The following UGGT2 variants were observed in gnomAD, a reference collection of about 807,000 sequenced individuals.
UGGT2 encodes the protein UDP-glucose glycoprotein glucosyltransferase 2.
Under a neutral mutation model 192.1 loss-of-function variants are expected in UGGT2, and 180 were observed. That is an observed-to-expected ratio of 0.94 (90% CI 0.83 to 1.06). The LOEUF is 1.06. Ranked by LOEUF, UGGT2 falls within the 50% of genes least tolerant of loss-of-function variation. UGGT2 has a pLI of 0.00. For missense variants in UGGT2, 1,849 were observed against 1,795.7 expected (o/e 1.03, Z -0.54); for synonymous variants, 580 against 591.0 (o/e 0.98, Z 0.27).
chr13:95,966,839 G>C (rs750068050), intron 12 of UGGT2, among the ~76,000 whole-genome samples: 15 of 152,098 alleles, frequency 9.9e-5, no homozygotes, highest in South Asian at 2.1e-4. Context: ...CTTAAATTTT[G>C]ATATATTTCC....
chr13:95,854,597 T>C, intron 34 of UGGT2, 122 bp from the exon 35 acceptor site: 1 of 773,290 alleles, frequency 1.3e-6, no homozygotes, highest in Non-Finnish European at 1.9e-6. Flanking sequence ...GTCCTCACAG[T>C]GCTTTCATGT....
intron 29 of UGGT2, among the ~76,000 whole-genome samples, chr13:95,873,442 C>A (rs1891395533): frequency 1.3e-5 from 2 of 152,158 alleles, no homozygotes; most frequent in Non-Finnish European, 2.9e-5. Flanking sequence ...TAGAACATAC[C>A]CAAATGGGTC....
chr13:95,967,714 C>G (rs191546919), intron 12 of UGGT2, among the ~76,000 whole-genome samples: 2 of 151,860 alleles, frequency 1.3e-5, no homozygotes, highest in African/African-American at 2.4e-5. Flanking sequence ...CCTCATGATC[C>G]GCCCACCTTG....
intron 5 of UGGT2, among the ~76,000 whole-genome samples, chr13:96,001,501 T>C (rs1406670396): frequency 2.6e-5 from 4 of 152,310 alleles, no homozygotes; most frequent in East Asian, 3.9e-4. Context: ...AACAGCCTTG[T>C]TGCTCACACA....
At chr13:95,917,812 T>C (rs544469328) in intron 20 of UGGT2, among the ~76,000 whole-genome samples, 1 of 152,138 alleles carries the variant, frequency 6.6e-6, no homozygotes, top group African/African-American at 2.4e-5. Flanking sequence ...TGTTACATAA[T>C]TGTAAAGGGT....
At chr13:95,992,258 A>G (rs2051481557) in intron 7 of UGGT2, among the ~76,000 whole-genome samples, 1 of 152,244 alleles carries the variant, frequency 6.6e-6, no homozygotes, top group Admixed American at 6.5e-5. Context: ...TTTGACAGGA[A>G]TAGCACTGAA....
Position 95,970,224 on chromosome 13 carries a change from TTCA to T in UGGT2, c.1220_1222del (p.Met407del). 6.2e-7 allele frequency: 1 copy of T among 1,613,032 alleles called. No homozygotes were observed. Among genetic ancestry groups the T allele is most frequent in the South Asian group, 1.1e-5 (1 of 90,954 alleles). ...ATTGATCCCAAGATTGCGAAGGCCA[TTCA>T]TCATTTTTCCTTCTAATTTCAGCAT... is the stretch of plus-strand genomic sequence containing the variant. On this transcript the variant is annotated inframe_deletion, in exon 12 of 39. Transcript: ENST00000376747.
At chr13:95,904,753 CAT>C (rs1338918530) in intron 20 of UGGT2, among the ~76,000 whole-genome samples, 1 of 152,126 alleles carries the variant, frequency 6.6e-6, no homozygotes, top group Non-Finnish European at 1.5e-5. Context: ...CCGCAATAAA[CAT>C]ATGTGTGCAT....
intron 36 of UGGT2, among the ~76,000 whole-genome samples, chr13:95,838,994 C>T (rs1887586388): frequency 6.6e-6 from 1 of 152,056 alleles, no homozygotes; most frequent in Non-Finnish European, 1.5e-5. Flanking sequence ...GTATTCACCC[C>T]TATATAGTTA....
At chr13:96,037,039 A>C (rs1173417478) in intron 1 of UGGT2, among the ~76,000 whole-genome samples, 1 of 152,240 alleles carries the variant, frequency 6.6e-6, no homozygotes, top group Admixed American at 6.5e-5. Flanking sequence ...ACCCAGAGAA[A>C]ACAGTTATTT....
chr13:96,028,127 T>C (rs959053939), intron 2 of UGGT2, among the ~76,000 whole-genome samples: 2 of 152,230 alleles, frequency 1.3e-5, no homozygotes, highest in African/African-American at 4.8e-5. Flanking sequence ...GTTTTTCATA[T>C]TGATCACTCT....
rs1033475219 is a variant in UGGT2, at chr13:95,915,722, G to A, written c.2295+9958C>T. 3.4e-4 allele frequency among the ~76,000 whole-genome samples: 52 copies of A among 152,306 alleles called. 1 individual carries two copies. Among genetic ancestry groups the A allele is most frequent in the African/African-American group, 1.2e-3 (51 of 41,580 alleles). On this transcript the variant is annotated intron_variant, in intron 20 of 38. Transcript: ENST00000376747. ...TGTTCCAGCCTGCCAGCTTTGGAGA[G>A]TCCAAACAGTCCAGACAAGGAAGGT...
intron 24 of UGGT2, among the ~76,000 whole-genome samples, chr13:95,894,262 T>A (rs755589607): frequency 1.7e-4 from 26 of 152,314 alleles, no homozygotes; most frequent in Non-Finnish European, 5.9e-5. Flanking sequence ...TATTTATGAC[T>A]ATCTTGAGAT....
At chr13:95,958,940 A>G (rs2050300360) in intron 12 of UGGT2, among the ~76,000 whole-genome samples, 2 of 152,144 alleles carry the variant, frequency 1.3e-5, no homozygotes, top group Admixed American at 1.3e-4. Context: ...TGGGCTTCTG[A>G]GACTAACAGA....
intron 1 of UGGT2, among the ~76,000 whole-genome samples, chr13:96,038,167 T>C (rs908079456): frequency 2.0e-5 from 3 of 152,224 alleles, no homozygotes; most frequent in African/African-American, 7.2e-5. Flanking sequence ...GATGGTGGCT[T>C]AAAGTATACC....
At chr13:95,837,664 T>C (rs1485469343) in intron 36 of UGGT2, among the ~76,000 whole-genome samples, 5 of 152,226 alleles carry the variant, frequency 3.3e-5, no homozygotes, top group Non-Finnish European at 2.9e-5. Flanking sequence ...TAAGTAAAGA[T>C]TGCTGGCATC....
chr13:95,901,657 TG>T (rs1226871742), intron 21 of UGGT2, among the ~76,000 whole-genome samples: 10 of 152,188 alleles, frequency 6.6e-5, no homozygotes, highest in African/African-American at 2.4e-4. Flanking sequence ...TTGTCCAATA[TG>T]GCAGCCATGG....
intron 31 of UGGT2, among the ~76,000 whole-genome samples, chr13:95,861,130 G>T (rs988817694): frequency 1.3e-5 from 2 of 151,896 alleles, no homozygotes; most frequent in Non-Finnish European, 2.9e-5. Flanking sequence ...TGGTATTTTT[G>T]AATTTTTGTG....
rs573899583 is a variant in UGGT2, at chr13:95,960,655, G to A, written c.1335+9457C>T. On this transcript the variant is annotated intron_variant, in intron 12 of 38. Coordinates refer to ENST00000376747, the MANE Select transcript of UGGT2 (RefSeq NM_020121.4). ...GAAATAACAGAAAAAGACTTCCCAA[G>A]TCTAATGAGATTTAGATATCCAAAT... is the stretch of plus-strand genomic sequence containing the variant. 2.0e-5 allele frequency among the ~76,000 whole-genome samples: 3 copies of A among 152,238 alleles called. No homozygotes were observed. In the South Asian group the frequency reaches 6.2e-4, roughly 32 times the overall value.
Sources: gnomAD v4.1 joint callset for allele counts (sites outside exome capture counted in the v4.1 genomes callset) on GRCh38, gnomAD v4.1.1 for gene constraint, MANE v1.5 for transcripts, NCBI Gene and HGNC (gene_info 2026-07-23, HGNC 2026-07-21) for gene names.